MGAT4C: variants seen among roughly 807,000 people sequenced by gnomAD.
The protein encoded by MGAT4C is MGAT4 family member C, also known as alpha-1,3-mannosyl-glycoprotein 4-beta-N-acetylglucosaminyltransferase C.
In MGAT4C, 19 loss-of-function variants were observed where a neutral mutation model predicts 40.1. The observed-to-expected ratio is 0.47, with a 90% confidence interval of 0.33 to 0.70. The LOEUF (loss-of-function observed/expected upper bound fraction) is 0.70, where lower values mean the gene tolerates loss of function less well. Among genes scored for constraint, MGAT4C ranks in the 30% least tolerant of loss-of-function variants. The pLI is 0.02. For missense variants in MGAT4C, 491 were observed against 563.2 expected, an observed-to-expected ratio of 0.87 and a Z score of 1.30; for synonymous variants, 181 against 187.1, an observed-to-expected ratio of 0.97 and a Z score of 0.27.
intron 1 of MGAT4C, among the ~76,000 whole-genome samples, chr12:86,113,447 T>TA (rs34474210): frequency 6.6e-6 from 1 of 151,476 alleles, no homozygotes. Flanking sequence ...GTGTGGATGC[T>TA]AAAAAAATTA....
At chr12:86,790,156 C>T (rs1951998502) in intron 1 of MGAT4C, among the ~76,000 whole-genome samples, 2 of 152,068 alleles carry the variant, frequency 1.3e-5, no homozygotes, top group African/African-American at 2.4e-5. Flanking sequence ...AGGTAATAAA[C>T]TAGTGAATGG....
intron 1 of MGAT4C, among the ~76,000 whole-genome samples, chr12:86,153,367 G>C (rs1416712011): frequency 6.6e-6 from 1 of 152,156 alleles, no homozygotes; most frequent in Non-Finnish European, 1.5e-5. Context: ...AATCATGAAA[G>C]TATAACCCTA....
intron 2 of MGAT4C, among the ~76,000 whole-genome samples, chr12:86,659,939 A>T (rs1275548791): frequency 2.6e-5 from 4 of 152,060 alleles, no homozygotes; most frequent in South Asian, 2.1e-4. Context: ...TAAAAAAAAA[A>T]AAAAGCTACC....
At chr12:86,239,056 A>G (rs1400549774) in intron 1 of MGAT4C, among the ~76,000 whole-genome samples, 2 of 152,032 alleles carry the variant, frequency 1.3e-5, no homozygotes, top group African/African-American at 4.8e-5. Flanking sequence ...AAAATATTTT[A>G]ACTTTTTTTT....
intron 3 of MGAT4C, among the ~76,000 whole-genome samples, chr12:86,365,884 T>C (rs1450831331): frequency 6.6e-6 from 1 of 152,142 alleles, no homozygotes; most frequent in East Asian, 1.9e-4. Flanking sequence ...CTGTTTTAGT[T>C]CCAAATAAAT....
intron 4 of MGAT4C, among the ~76,000 whole-genome samples, chr12:86,277,006 C>T (rs184431521): frequency 2.6e-4 from 39 of 152,228 alleles, no homozygotes; most frequent in African/African-American, 9.4e-4. Flanking sequence ...GAAGAACCTC[C>T]GAACTGTTCT....
intron 1 of MGAT4C, among the ~76,000 whole-genome samples, chr12:86,108,182 T>C (rs1430132369): frequency 6.6e-6 from 1 of 152,058 alleles, no homozygotes; most frequent in Non-Finnish European, 1.5e-5. Flanking sequence ...TCAGCAATAA[T>C]GAGATGGGAG....
chr12:86,355,967 A>T (rs1478342365), intron 3 of MGAT4C, among the ~76,000 whole-genome samples: 1 of 152,190 alleles, frequency 6.6e-6, no homozygotes, highest in Non-Finnish European at 1.5e-5. Context: ...TACATATGAT[A>T]GCCACTCCAC....
intron 1 of MGAT4C, among the ~76,000 whole-genome samples, chr12:86,160,262 T>C (rs1190095203): frequency 2.0e-5 from 3 of 152,078 alleles, no homozygotes. Flanking sequence ...TTTCAAAGAC[T>C]TTTTTATTTC....
intron 1 of MGAT4C, among the ~76,000 whole-genome samples, chr12:86,057,281 AG>A (rs1156728454): frequency 1.3e-5 from 2 of 152,122 alleles, no homozygotes; most frequent in Non-Finnish European, 2.9e-5. Context: ...GGGCTGTTAT[AG>A]TATCTACCGT....
chr12:86,248,412 C>T lies in MGAT4C; in HGVS notation c.-57+7827G>A, dbSNP rs1170909953. 7.3e-5 allele frequency among the ~76,000 whole-genome samples: 11 copies of T among 151,398 alleles called. No homozygotes were observed. In the East Asian group the frequency reaches 2.0e-3, roughly 27 times the overall value. On this transcript the variant is annotated intron_variant, in intron 1 of 4. Coordinates refer to ENST00000611864, the MANE Select transcript of MGAT4C (RefSeq NM_001351288.2). Reference sequence around the variant, plus strand: ...GTCTGTGGATTTTTTTTTGTTCTTTCCCCCAAATATTTACCTTTCTATATC... The same window carrying T: ...GTCTGTGGATTTTTTTTTGTTCTTTTCCCCAAATATTTACCTTTCTATATC...
At chr12:86,716,878 G>C (rs943077045) in intron 2 of MGAT4C, among the ~76,000 whole-genome samples, 27 of 152,088 alleles carry the variant, frequency 1.8e-4, no homozygotes, top group African/African-American at 5.1e-4. Context: ...TTTTGGGAGA[G>C]TTCGGGTATT....
intron 1 of MGAT4C, among the ~76,000 whole-genome samples, chr12:86,180,158 C>T (rs187937302): frequency 6.6e-6 from 1 of 152,340 alleles, no homozygotes; most frequent in East Asian, 1.9e-4. Context: ...AGGGTGGAAG[C>T]CCCAAGCCTT....
At chr12:86,267,579 A>T (rs895020036) in intron 4 of MGAT4C, among the ~76,000 whole-genome samples, 1 of 152,160 alleles carries the variant, frequency 6.6e-6, no homozygotes, top group African/African-American at 2.4e-5. Context: ...TGTCTTTTTA[A>T]TTCACAGCTG....
intron 2 of MGAT4C, among the ~76,000 whole-genome samples, chr12:86,467,735 C>G (rs1019313039): frequency 6.6e-6 from 1 of 152,062 alleles, no homozygotes; most frequent in Admixed American, 6.5e-5. Flanking sequence ...CTGAAAACAG[C>G]TTTCTCTTCA....
chr12:86,418,665 A>C (rs993206533), intron 3 of MGAT4C, among the ~76,000 whole-genome samples: 2 of 152,098 alleles, frequency 1.3e-5, no homozygotes, highest in African/African-American at 4.8e-5. Flanking sequence ...TGAAAAAGTG[A>C]ATAAGTGAAA....
chr12:86,389,841 A>T (rs1956132853), intron 3 of MGAT4C, among the ~76,000 whole-genome samples: 1 of 152,152 alleles, frequency 6.6e-6, no homozygotes, highest in Non-Finnish European at 1.5e-5. Context: ...TTGTTTCATG[A>T]ATGTTAAGGA....
At chr12:86,335,269 T>G (rs184611844) in intron 3 of MGAT4C, among the ~76,000 whole-genome samples, 1 of 152,230 alleles carries the variant, frequency 6.6e-6, no homozygotes, top group Admixed American at 6.6e-5. Context: ...GAACACTTGT[T>G]ATTTTATTAT....
At chr12:86,588,390 C>A (rs7485638) in intron 2 of MGAT4C, among the ~76,000 whole-genome samples, 128,373 of 151,008 alleles carry the variant, frequency 0.85, 55,084 homozygotes, top group East Asian at 0.96. Flanking sequence ...CAGGAGCACC[C>A]AGATTCATAA....
Sources: gnomAD v4.1 joint callset for allele counts (sites outside exome capture counted in the v4.1 genomes callset) on GRCh38, gnomAD v4.1.1 for gene constraint, MANE v1.5 for transcripts, NCBI Gene and HGNC (gene_info 2026-07-23, HGNC 2026-07-21) for gene names.